Variants in SLC5A7 observed in about 807,000 individuals in gnomAD.
The protein encoded by SLC5A7 is solute carrier family 5 member 7.
SLC5A7 carries 19 observed loss-of-function variants against 55.4 expected under a neutral mutation model. That is an observed-to-expected ratio of 0.34 (90% CI 0.24 to 0.50). The LOEUF (loss-of-function observed/expected upper bound fraction) is 0.50, where lower values mean the gene tolerates loss of function less well. Ranked by LOEUF, SLC5A7 falls within the 20% of genes least tolerant of loss-of-function variation. SLC5A7 has a pLI of 0.98. For synonymous variants in SLC5A7, 265 were observed against 263.7 expected, an observed-to-expected ratio of 1.00 and a Z score of -0.05; for missense variants, 506 against 705.3, an observed-to-expected ratio of 0.72 and a Z score of 3.20.
In SLC5A7 at chr2:108,011,101, G is replaced by T; in HGVS notation, c.*240G>T. 2 of 346,568 alleles carry T rather than the reference G, an allele frequency of 5.8e-6. No homozygotes were observed. The highest frequency in any genetic ancestry group is 1.0e-5 in the Non-Finnish European group (2 of 196,670). The allele number at this position is 346,568 out of a possible 1,614,324, so 21.5% of individuals were successfully genotyped here. A position where few individuals can be genotyped will look rare whatever the true frequency, so the allele number is the denominator to read the frequency against. On this transcript the variant is annotated 3_prime_UTR_variant, in exon 9 of 9. Coordinates refer to ENST00000264047, the MANE Select transcript of SLC5A7 (RefSeq NM_021815.5). ...TTTTGATGCTAGATAGTTTTGCTAGGTATAAAAAATAAGTAAAGTTCCACT... is the reference window on the plus strand; with the variant it reads ...TTTTGATGCTAGATAGTTTTGCTAGTTATAAAAAATAAGTAAAGTTCCACT...
chr2:108,001,899 G>T lies in SLC5A7; in HGVS notation c.600G>T (p.Trp200Cys). The change falls in exon 6 of 9, where the codon TGG (tryptophan) becomes TGT (cysteine). Residue 200 changes from tryptophan to cysteine, a missense_variant and splice_region_variant. This residue lies in a region of SLC5A7 where 309 missense variants were observed against 478.6 expected (regional missense o/e 0.65). Transcript: ENST00000264047. ...TCCAGTGTCACTTTCTGTTGCAGTG[G>T]ATCAGCGTCCCCTTTGCATTGTCAC... ...VQLFCIFVGL[W>C]ISVPFALSHP... The T allele has an allele frequency of 6.2e-7, 1 of 1,613,946 alleles. No individual in the cohort carries two copies. Among genetic ancestry groups the T allele is most frequent in the Non-Finnish European group, 8.5e-7 (1 of 1,179,936 alleles).
intron 4 of SLC5A7, among the ~76,000 whole-genome samples, chr2:107,995,178 G>A (rs555255324): frequency 6.6e-6 from 1 of 152,222 alleles, no homozygotes; most frequent in East Asian, 1.9e-4. Flanking sequence ...TTGCTCTTAG[G>A]CTACAAACCT....
intron 6 of SLC5A7, among the ~76,000 whole-genome samples, chr2:108,002,690 G>GA (rs2104366184): frequency 6.6e-6 from 1 of 152,244 alleles, no homozygotes; most frequent in East Asian, 1.9e-4. Context: ...AGTTAGGCCT[G>GA]AAAATAACAC....
intron 6 of SLC5A7, 113 bp downstream of exon 6, chr2:108,002,153 T>C: frequency 7.9e-7 from 1 of 1,272,224 alleles, no homozygotes; most frequent in Non-Finnish European, 1.1e-6. Flanking sequence ...CATGGCCATT[T>C]CTGAATTGAG....
rs57328827 is a variant in SLC5A7 at position 107,995,470 on chromosome 2, AGTGTGT to A, written c.449-2342_449-2337del. On this transcript the variant is annotated intron_variant, in intron 4 of 8. Coordinates refer to ENST00000264047, the MANE Select transcript of SLC5A7 (RefSeq NM_021815.5). The stretch of plus-strand genomic sequence containing the variant: ...GAGAGAGAGAGAGAGAGAGAGAGAG[AGTGTGT>A]GTGTGTGTGTGTGTGTGTGTGTGTG... 1.9e-3 allele frequency among the ~76,000 whole-genome samples: 263 copies of A among 137,224 alleles called. 1 individual carries two copies. Among genetic ancestry groups the A allele is most frequent in the Middle Eastern group, 7.6e-3 (2 of 264 alleles). 90.0% of individuals were successfully genotyped at this position (137,224 alleles called of 152,430 possible).
In SLC5A7 at chr2:107,992,148, C is replaced by G; in HGVS notation, c.221C>G (p.Ala74Gly). 6.2e-7 allele frequency: 1 copy of G among 1,613,744 alleles called. No homozygotes were observed. Among genetic ancestry groups the G allele is most frequent in the East Asian group, 2.2e-5 (1 of 44,862 alleles). ...GGGYINGTAE[A>G]VYVPGYGLAW... ...GGGTATATCAATGGCACAGCTGAAG[C>G]AGTTTATGTACCAGGTTATGGCCTA... The change falls in exon 3 of 9, where the codon GCA becomes GGA. Residue 74 changes from alanine to glycine, a missense_variant. Transcript: ENST00000264047.
chr2:108,007,976 A>G (rs897643257), intron 7 of SLC5A7, among the ~76,000 whole-genome samples: 20 of 152,204 alleles, frequency 1.3e-4, no homozygotes, highest in Admixed American at 6.5e-5. Flanking sequence ...ATTCTATGCA[A>G]TGTGGAAATA....
chr2:108,002,075 A>G (rs374040246), intron 6 of SLC5A7, 35 bp downstream of exon 6: 33 of 1,583,542 alleles, frequency 2.1e-5, no homozygotes, highest in Non-Finnish European at 2.8e-5. Flanking sequence ...ATGTGATTTA[A>G]TTGTTCCTGA....
chr2:107,992,708 A>C (rs961396529), intron 3 of SLC5A7, among the ~76,000 whole-genome samples: 1 of 152,200 alleles, frequency 6.6e-6, no homozygotes, highest in Non-Finnish European at 1.5e-5. Context: ...TTAAGTGAGC[A>C]ATGTGCTGGT....
chr2:108,010,116 C>T, intron 8 of SLC5A7, 116 bp from the exon 9 acceptor site: 1 of 1,268,424 alleles, frequency 7.9e-7, no homozygotes, highest in Non-Finnish European at 1.1e-6. Flanking sequence ...TAGATTGAGC[C>T]ATTTGAACCA....
At position 107,997,865 on chromosome 2, in the gene SLC5A7, T is replaced by C. The variant is rs761831958; in HGVS notation, c.476T>C (p.Val159Ala). The change falls in exon 5 of 9, where the codon GTG (valine) becomes GCG (alanine). Residue 159 changes from valine (V) to alanine (A), a missense_variant. Val to Ala is a moderately conservative substitution (Grantham distance 64). Transcript: ENST00000264047. ...LGATISVIID[V>A]DMHISVIISA... ...GCCACCATCAGCGTGATCATCGATG[T>C]GGATATGCACATTTCTGTCATCATC... The C allele has an allele frequency of 6.2e-6, 10 of 1,610,206 alleles. No homozygotes were observed. Among genetic ancestry groups the C allele is most frequent in the East Asian group, 2.2e-5 (1 of 44,742 alleles).
chr2:107,999,749 T>G (rs1489651390), intron 5 of SLC5A7, among the ~76,000 whole-genome samples: 1 of 152,008 alleles, frequency 6.6e-6, no homozygotes, highest in African/African-American at 2.4e-5. Flanking sequence ...AAACTTGAGG[T>G]TTTTCTTTTC....
In SLC5A7 at chr2:107,988,008, G is replaced by A. The variant is rs1677313112; in HGVS notation, c.-51-97G>A. On this transcript the variant is annotated intron_variant, in intron 1 of 8. Coordinates refer to ENST00000264047, the MANE Select transcript of SLC5A7 (RefSeq NM_021815.5). ...TCAGGGTTGTACTCTTTCTGTGAGT[G>A]GCACAGGATCTCGCATGAGCCAGCT... 4 of 654,840 alleles carry A rather than the reference G, an allele frequency of 6.1e-6. No homozygotes were observed. In the Admixed American group the frequency reaches 8.6e-5, roughly 14 times the overall value. The allele number at this position is 654,840 out of a possible 1,614,324, so 40.6% of individuals were successfully genotyped here. A position where few individuals can be genotyped will look rare whatever the true frequency, so the allele number is the denominator to read the frequency against.
At chr2:108,001,534 G>C (rs1022928348) in intron 5 of SLC5A7, among the ~76,000 whole-genome samples, 3 of 150,462 alleles carry the variant, frequency 2.0e-5, no homozygotes, top group Admixed American at 6.6e-5. Flanking sequence ...TTAGCCGGGC[G>C]TAGTGGCGGG....
At chr2:108,002,276 C>T (rs146928125) in intron 6 of SLC5A7, among the ~76,000 whole-genome samples, 1 of 152,050 alleles carries the variant, frequency 6.6e-6, no homozygotes. Context: ...GGTGGTGGGT[C>T]CTCATTTCCG....
At chr2:107,993,749 A>G (rs1439371707) in intron 4 of SLC5A7, among the ~76,000 whole-genome samples, 1 of 152,248 alleles carries the variant, frequency 6.6e-6, no homozygotes, top group Non-Finnish European at 1.5e-5. Flanking sequence ...TTTAAATAAA[A>G]TGTTTAATTA....
rs1052425284 is a variant in SLC5A7, at chr2:107,997,412, G to A, written c.449-426G>A. 3.3e-5 allele frequency among the ~76,000 whole-genome samples: 5 copies of A among 152,210 alleles called. No homozygotes were observed. The East Asian group carries it at 5.8e-4, about 18-fold the overall frequency. The stretch of plus-strand genomic sequence containing the variant: ...CAAGATTTGTGAGTGAGTACATACT[G>A]TGAAGTTGCACAACAGTGAAATCAC... On this transcript the variant is annotated intron_variant, in intron 4 of 8. Coordinates refer to ENST00000264047, the MANE Select transcript of SLC5A7 (RefSeq NM_021815.5).
chr2:107,990,011 C>G (rs1573589280), intron 2 of SLC5A7, among the ~76,000 whole-genome samples: 1 of 152,010 alleles, frequency 6.6e-6, no homozygotes, highest in African/African-American at 2.4e-5. Context: ...TCAAAATAAC[C>G]TTGGTCAATA....
At chr2:107,988,399 G>C (rs1320984964) in intron 2 of SLC5A7, 66 bp downstream of exon 2, 2 of 1,479,774 alleles carry the variant, frequency 1.4e-6, no homozygotes, top group Non-Finnish European at 1.8e-6. Context: ...TGTGCAGCGT[G>C]TGGCTTCAGA....
Sources: allele counts gnomAD v4.1 joint callset (sites outside exome capture counted in the v4.1 genomes callset), GRCh38; gene constraint gnomAD v4.1.1; regional missense constraint gnomAD v4.1.1; transcripts MANE v1.5; gene names NCBI Gene and HGNC (gene_info 2026-07-23, HGNC 2026-07-21).